The following PARN variants were observed in gnomAD, a reference collection of about 807,000 sequenced individuals.
PARN encodes poly(A)-specific ribonuclease.
A neutral mutation model predicts 102.8 loss-of-function variants in PARN; 71 were observed. That is an observed-to-expected ratio of 0.69 (90% CI 0.57 to 0.84). The LOEUF is 0.84. Ranked by LOEUF, PARN falls within the 40% of genes least tolerant of loss-of-function variation. The pLI, the probability that PARN is intolerant of heterozygous loss-of-function variation, is 0.00. For missense variants in PARN, 782 were observed against 760.9 expected (o/e 1.03, Z -0.33); for synonymous variants, 261 against 252.9 (o/e 1.03, Z -0.30).
At chr16:14,487,673 T>A (rs985328718) in intron 21 of PARN, among the ~76,000 whole-genome samples, 2 of 151,850 alleles carry the variant, frequency 1.3e-5, no homozygotes, top group African/African-American at 4.8e-5. Flanking sequence ...AAATTAAAAG[T>A]AAGAAAAAAA....
At chr16:14,523,262 A>G (rs950824439) in intron 21 of PARN, among the ~76,000 whole-genome samples, 1 of 150,296 alleles carries the variant, frequency 6.7e-6, no homozygotes, top group African/African-American at 2.5e-5. Flanking sequence ...CACACAAACT[A>G]TACATATACA....
intron 18 of PARN, among the ~76,000 whole-genome samples, chr16:14,566,830 C>G (rs1968467176): frequency 1.3e-5 from 2 of 152,168 alleles, no homozygotes; most frequent in Non-Finnish European, 2.9e-5. Context: ...GGCTAGCATA[C>G]CAAGTACAGG....
At position 14,630,203 on chromosome 16, in the gene PARN, G is replaced by GACTGCGGCAGTAGCTGAGGCAGCC. The variant is rs1972962790; in HGVS notation, c.-102_-79dup. The stretch of plus-strand genomic sequence containing the variant: ...GGTTCTACTCGCCGAATTCCGCGGC[G>GACTGCGGCAGTAGCTGAGGCAGCC]ACTGCGGCAGTAGCTGAGGCAGCCG... On this transcript the variant is annotated 5_prime_UTR_variant, in exon 1 of 24. Coordinates refer to ENST00000437198, the MANE Select transcript of PARN (RefSeq NM_002582.4). 3.1e-6 allele frequency: 4 copies of GACTGCGGCAGTAGCTGAGGCAGCC among 1,307,818 alleles called. No individual in the cohort carries two copies. Among genetic ancestry groups the GACTGCGGCAGTAGCTGAGGCAGCC allele is most frequent in the Non-Finnish European group, 4.3e-6 (4 of 936,086 alleles). 81.0% of individuals were successfully genotyped at this position (1,307,818 alleles called of 1,614,324 possible). A position where few individuals can be genotyped will look rare whatever the true frequency, so the allele number is the denominator to read the frequency against.
At chr16:14,510,074 C>T (rs1323923302) in intron 21 of PARN, among the ~76,000 whole-genome samples, 1 of 152,170 alleles carries the variant, frequency 6.6e-6, no homozygotes, top group East Asian at 1.9e-4. Context: ...GAAGGATTCC[C>T]GGATCACCTA....
At position 14,629,667 on chromosome 16, in the gene PARN, C is replaced by T. The variant is rs746897251; in HGVS notation, c.27G>A (p.Lys9=). ...CCTGGTACACTTTGTGAAGATTACTCTTAAAATCTGCGGAGAAACCGAAAA... is the reference window on the plus strand; with the variant it reads ...CCTGGTACACTTTGTGAAGATTACTTTTAAAATCTGCGGAGAAACCGAAAA... The part of the protein sequence containing the change: MEIIRSNF[K]SNLHKVYQAI... The change falls in exon 2 of 24, where the codon AAG becomes AAA. Residue 9 remains lysine (K), a synonymous_variant. Coordinates refer to ENST00000437198, the MANE Select transcript of PARN (RefSeq NM_002582.4). The T allele has an allele frequency of 9.9e-6, 16 of 1,612,176 alleles. No individual in the cohort carries two copies. Among genetic ancestry groups the T allele is most frequent in the Non-Finnish European group, 1.4e-5 (16 of 1,178,294 alleles).
At chr16:14,610,055 A>G (rs1369268284) in intron 7 of PARN, among the ~76,000 whole-genome samples, 1 of 151,204 alleles carries the variant, frequency 6.6e-6, no homozygotes, top group Non-Finnish European at 1.5e-5. Flanking sequence ...TATTAAAAAA[A>G]ATAAAATAAA....
At chr16:14,539,061 C>T (rs1384951093) in intron 21 of PARN, among the ~76,000 whole-genome samples, 1 of 152,084 alleles carries the variant, frequency 6.6e-6, no homozygotes, top group Non-Finnish European at 1.5e-5. Context: ...ATAATTATTT[C>T]ATTATTACAA....
Position 14,435,892 on chromosome 16 carries a change from G to T in PARN, c.*825C>A. ...GCTGGGACATGTTGTAGATTTGCAC[G>T]ATTTCACACACACACACACACACAC... is the stretch of plus-strand genomic sequence containing the variant. On this transcript the variant is annotated 3_prime_UTR_variant, in exon 24 of 24. Coordinates refer to ENST00000437198, the MANE Select transcript of PARN (RefSeq NM_002582.4). The T allele has an allele frequency of 8.0e-6, 1 of 124,488 alleles. No individual in the cohort carries two copies. The highest frequency in any genetic ancestry group is 3.1e-5 in the African/African-American group (1 of 32,310). The allele number at this position is 124,488 out of a possible 1,614,324, so 7.7% of individuals were successfully genotyped here.
intron 21 of PARN, 57 bp from the exon 22 acceptor site, chr16:14,482,884 G>A: frequency 6.9e-7 from 1 of 1,439,230 alleles, no homozygotes; most frequent in Non-Finnish European, 9.3e-7. Flanking sequence ...TAGCCCCAAA[G>A]ATGACACTTT....
chr16:14,564,126 C>T (rs2151724577), intron 18 of PARN, among the ~76,000 whole-genome samples: 1 of 152,284 alleles, frequency 6.6e-6, no homozygotes, highest in East Asian at 1.9e-4. Flanking sequence ...TTAACCTGAG[C>T]TGTCTCCATA....
At chr16:14,508,042 A>G (rs1373110815) in intron 21 of PARN, among the ~76,000 whole-genome samples, 1 of 152,244 alleles carries the variant, frequency 6.6e-6, no homozygotes, top group Non-Finnish European at 1.5e-5. Flanking sequence ...GAATGTTATC[A>G]TAATTATTTC....
At chr16:14,513,692 C>A (rs1965316107) in intron 21 of PARN, among the ~76,000 whole-genome samples, 1 of 152,106 alleles carries the variant, frequency 6.6e-6, no homozygotes, top group Non-Finnish European at 1.5e-5. Flanking sequence ...TGTGGCTGAG[C>A]CTTTAGAAAA....
intron 22 of PARN, among the ~76,000 whole-genome samples, chr16:14,466,481 G>A (rs1962364924): frequency 6.6e-6 from 1 of 152,274 alleles, no homozygotes; most frequent in Admixed American, 6.5e-5. Context: ...GAATATGACA[G>A]CTTCTCTGAG....
chr16:14,468,970 C>G (rs930413696), intron 22 of PARN, among the ~76,000 whole-genome samples: 1 of 151,076 alleles, frequency 6.6e-6, no homozygotes, highest in Admixed American at 6.6e-5. Flanking sequence ...AACAAACAAA[C>G]AAAGAAATAA....
intron 5 of PARN, among the ~76,000 whole-genome samples, chr16:14,624,127 A>G (rs1972492537): frequency 6.6e-6 from 1 of 152,128 alleles, no homozygotes; most frequent in African/African-American, 2.4e-5. Context: ...CTGCGCACAC[A>G]GGGTCTTATT....
chr16:14,537,279 CA>C (rs1336403605), intron 21 of PARN, among the ~76,000 whole-genome samples: 1 of 151,916 alleles, frequency 6.6e-6, no homozygotes, highest in African/African-American at 2.4e-5. Context: ...ATAAAAAAGA[CA>C]AAAAAATAAC....
intron 10 of PARN, among the ~76,000 whole-genome samples, chr16:14,605,188 C>T (rs1337546545): frequency 6.6e-6 from 1 of 152,176 alleles, no homozygotes; most frequent in Non-Finnish European, 1.5e-5. Context: ...AAATGACCTG[C>T]TCATCTCAGC....
intron 21 of PARN, among the ~76,000 whole-genome samples, chr16:14,485,836 C>T (rs943207061): frequency 2.6e-5 from 4 of 152,080 alleles, no homozygotes; most frequent in African/African-American, 4.8e-5. Flanking sequence ...TATAGGCGTG[C>T]GCCACGACGC....
chr16:14,472,774 C>T (rs553675274), intron 22 of PARN, among the ~76,000 whole-genome samples: 38 of 152,296 alleles, frequency 2.5e-4, no homozygotes, highest in African/African-American at 8.9e-4. Context: ...TTACTTCCCT[C>T]AAAAAAGTCC....
Sources: gnomAD v4.1 joint callset for allele counts (sites outside exome capture counted in the v4.1 genomes callset) on GRCh38, gnomAD v4.1.1 for gene constraint, MANE v1.5 for transcripts, NCBI Gene and HGNC (gene_info 2026-07-23, HGNC 2026-07-21) for gene names.